ESR1: variants seen among roughly 807,000 people sequenced by gnomAD.
ESR1 encodes estrogen receptor.
A neutral mutation model predicts 52.7 loss-of-function variants in ESR1; 12 were observed. That is an observed-to-expected ratio of 0.23 (90% CI 0.15 to 0.37). The LOEUF (loss-of-function observed/expected upper bound fraction) is 0.37, where lower values mean the gene tolerates loss of function less well. Among genes scored for constraint, ESR1 ranks in the 10% least tolerant of loss-of-function variants. The pLI is 1.00. For synonymous variants in ESR1, 305 were observed against 316.8 expected (o/e 0.96, Z 0.39); for missense variants, 584 against 779.7 (o/e 0.75, Z 2.99).
rs551923900 is a variant in ESR1 at position 151,754,951 on chromosome 6, C to T, written c.-70-52892C>T. ...TCTGGGCTGGGGGTGGTGGCTCACGCCTGTAATCCCAGCACTTTAGGAGGC... is the reference window on the plus strand; with the variant it reads ...TCTGGGCTGGGGGTGGTGGCTCACGTCTGTAATCCCAGCACTTTAGGAGGC... On this transcript the variant is annotated intron_variant, in intron 2 of 2. Coordinates refer to the ESR1 transcript ENST00000404742. Among the ~76,000 whole-genome samples, 15 of 152,330 alleles carry T rather than the reference C, an allele frequency of 9.8e-5. No homozygotes were observed. In the South Asian group the frequency reaches 2.1e-3, roughly 21 times the overall value.
chr6:151,783,785 C>T (rs925853931), intron 2 of ESR1, among the ~76,000 whole-genome samples: 10 of 152,044 alleles, frequency 6.6e-5, no homozygotes, highest in South Asian at 2.1e-4. Context: ...ACCCAATGTC[C>T]GTTTTCTATT....
At chr6:152,068,258 A>T (rs2048123525) in intron 6 of ESR1, among the ~76,000 whole-genome samples, 1 of 152,242 alleles carries the variant, frequency 6.6e-6, no homozygotes, top group South Asian at 2.1e-4. Context: ...CACATCATTT[A>T]TGCATTTTGT....
At chr6:151,685,617 G>C (rs1000827040), upstream of ESR1, among the ~76,000 whole-genome samples, 7 of 152,158 alleles carry the variant, frequency 4.6e-5, no homozygotes, top group African/African-American at 1.4e-4. Flanking sequence ...TGGAAGAGTG[G>C]GGAGAAGACT....
In ESR1 at chr6:152,102,115, AT is replaced by A. The variant is rs1433304226; in HGVS notation, c.*3152del. The A allele has an allele frequency of 9.4e-6, 2 of 211,818 alleles. No homozygotes were observed. Among genetic ancestry groups the A allele is most frequent in the Non-Finnish European group, 1.9e-5 (2 of 104,222 alleles). 13.1% of individuals were successfully genotyped at this position (211,818 alleles called of 1,614,324 possible). On this transcript the variant is annotated 3_prime_UTR_variant, in exon 8 of 8. Coordinates refer to ENST00000206249, the MANE Select transcript of ESR1 (RefSeq NM_000125.4). Reference sequence around the variant, plus strand: ...AACCCCTAAGGAAGTGCAGTCTTTGATTTGATTTCCCTAGTAACCTTGCAGA... The same window carrying A: ...AACCCCTAAGGAAGTGCAGTCTTTGATTGATTTCCCTAGTAACCTTGCAGA...
chr6:151,856,391 A>G (rs1247992488), intron 2 of ESR1, among the ~76,000 whole-genome samples: 2 of 152,168 alleles, frequency 1.3e-5, no homozygotes, highest in Non-Finnish European at 2.9e-5. Context: ...CTTTACTTCT[A>G]TGGGATATTT....
rs1285462458 is a variant in ESR1 at position 151,755,223 on chromosome 6, A to AAAAACC, written c.-70-52603_-70-52598dup. 7.3e-5 allele frequency among the ~76,000 whole-genome samples: 11 copies of AAAAACC among 149,978 alleles called. 1 individual carries two copies. The South Asian group carries it at 1.7e-3, about 23-fold the overall frequency. On this transcript the variant is annotated intron_variant, in intron 2 of 2. Coordinates refer to the ESR1 transcript ENST00000404742. ...AGACCCTGCCTCAAAAAAAAAAAAC[A>AAAAACC]AAAACCAAAACCAAAACCAAAAAAA...
chr6:152,037,719 C>T (rs976750699), intron 5 of ESR1, among the ~76,000 whole-genome samples: 1 of 152,070 alleles, frequency 6.6e-6, no homozygotes, highest in Non-Finnish European at 1.5e-5. Flanking sequence ...TGAAGTTAGA[C>T]CTTACAAAGC....
At chr6:151,815,020 G>T (rs1292113518) in intron 1 of ESR1, among the ~76,000 whole-genome samples, 1 of 152,188 alleles carries the variant, frequency 6.6e-6, no homozygotes, top group African/African-American at 2.4e-5. Flanking sequence ...ACTCATTTCT[G>T]AACATTCAGT....
chr6:151,921,751 T>C (rs920854621), intron 3 of ESR1, among the ~76,000 whole-genome samples: 6 of 152,238 alleles, frequency 3.9e-5, no homozygotes, highest in Admixed American at 3.3e-4. Context: ...GAAAAGTGTC[T>C]GTTCATGTCC....
At chr6:152,105,551 G>A (rs2051054567), downstream of ESR1, among the ~76,000 whole-genome samples, 1 of 150,824 alleles carries the variant, frequency 6.6e-6, no homozygotes, top group East Asian at 2.0e-4. Flanking sequence ...TCAGCCTCCC[G>A]AGTAGCTGGG....
intron 3 of ESR1, among the ~76,000 whole-genome samples, chr6:151,907,732 C>T (rs1299974282): frequency 4.6e-5 from 7 of 152,204 alleles, no homozygotes; most frequent in Admixed American, 4.6e-4. Context: ...AATCCTTGCA[C>T]GCCACAGTAA....
At chr6:152,016,716 G>A (rs747199430) in intron 5 of ESR1, among the ~76,000 whole-genome samples, 2 of 152,082 alleles carry the variant, frequency 1.3e-5, no homozygotes, top group Non-Finnish European at 2.9e-5. Flanking sequence ...ATTGTACATA[G>A]TAAACATTTT....
intron 6 of ESR1, among the ~76,000 whole-genome samples, chr6:152,123,029 G>A (rs760765028): frequency 6.6e-6 from 1 of 152,216 alleles, no homozygotes; most frequent in African/African-American, 2.4e-5. Context: ...TAATTAAAAT[G>A]TAGATATTTG....
At chr6:151,699,713 A>G (rs1779625618) in intron 1 of ESR1, among the ~76,000 whole-genome samples, 1 of 152,208 alleles carries the variant, frequency 6.6e-6, no homozygotes, top group African/African-American at 2.4e-5. Context: ...TATTATGGCA[A>G]GTTTCAATGT....
chr6:151,746,329 G>T (rs1427997697), intron 2 of ESR1, among the ~76,000 whole-genome samples: 1 of 152,102 alleles, frequency 6.6e-6, no homozygotes, highest in African/African-American at 2.4e-5. Context: ...AAATTTGTGG[G>T]GTTTGTGTCA....
chr6:151,687,328 T>C (rs1435233984), upstream of ESR1, among the ~76,000 whole-genome samples: 2 of 152,178 alleles, frequency 1.3e-5, no homozygotes, highest in African/African-American at 2.4e-5. Context: ...AGTGGTCAGG[T>C]ACTGATTGAT....
chr6:151,938,121 GTGA>G (rs1366651645), intron 3 of ESR1, among the ~76,000 whole-genome samples: 1 of 152,136 alleles, frequency 6.6e-6, no homozygotes, highest in Non-Finnish European at 1.5e-5. Context: ...ACAAAAGAAA[GTGA>G]TTATGCAAAT....
chr6:151,691,305 A>C (rs1434696003), intron 1 of ESR1, among the ~76,000 whole-genome samples: 1 of 152,206 alleles, frequency 6.6e-6, no homozygotes, highest in African/African-American at 2.4e-5. Context: ...TGGCACATAC[A>C]TAATGACTCC....
In ESR1 at chr6:152,100,140, T is replaced by C; in HGVS notation, c.*1174T>C. 2.5e-6 allele frequency: 1 copy of C among 398,720 alleles called. No individual in the cohort carries two copies. Among genetic ancestry groups the C allele is most frequent in the Non-Finnish European group, 4.4e-6 (1 of 226,152 alleles). 24.7% of individuals were successfully genotyped at this position (398,720 alleles called of 1,614,324 possible). ...GGAACATTCCTTGCAGACCCCGCAT[T>C]GCCCTTTGGGGGTGCCCTGGGATCC... On this transcript the variant is annotated 3_prime_UTR_variant, in exon 8 of 8. Coordinates refer to ENST00000206249, the MANE Select transcript of ESR1 (RefSeq NM_000125.4).
Sources: gnomAD v4.1 joint callset for allele counts (sites outside exome capture counted in the v4.1 genomes callset) on GRCh38, gnomAD v4.1.1 for gene constraint, MANE v1.5 for transcripts, NCBI Gene and HGNC (gene_info 2026-07-23, HGNC 2026-07-21) for gene names.